Variants in PTPRD observed in about 807,000 individuals in gnomAD.
The protein encoded by PTPRD is receptor-type tyrosine-protein phosphatase delta.
PTPRD carries 34 observed loss-of-function variants against 214.5 expected under a neutral mutation model. That is an observed-to-expected ratio of 0.16 (90% CI 0.12 to 0.21). The LOEUF is 0.21. PTPRD is among the 10% of genes least tolerant of loss of function. The pLI, the probability that PTPRD is intolerant of heterozygous loss-of-function variation, is 1.00. For synonymous variants in PTPRD, 1,128 were observed against 845.7 expected, an observed-to-expected ratio of 1.33 and a Z score of -5.79; for missense variants, 2,545 against 2,398.7, an observed-to-expected ratio of 1.06 and a Z score of -1.27.
intron 3 of PTPRD, among the ~76,000 whole-genome samples, chr9:10,071,743 C>A (rs2098022200): frequency 6.6e-6 from 1 of 151,508 alleles, no homozygotes; most frequent in South Asian, 2.1e-4. Context: ...GGTATAACAC[C>A]ATAAGAATGG....
intron 14 of PTPRD, among the ~76,000 whole-genome samples, chr9:8,531,130 G>C (rs996773229): frequency 4.6e-5 from 7 of 151,990 alleles, no homozygotes; most frequent in African/African-American, 1.7e-4. Context: ...TTGTTTTTGT[G>C]AATGTTTACA....
At chr9:9,508,132 C>T (rs777863299) in intron 8 of PTPRD, among the ~76,000 whole-genome samples, 2 of 151,502 alleles carry the variant, frequency 1.3e-5, no homozygotes, top group Non-Finnish European at 3.0e-5. Flanking sequence ...TGGTCTCTTG[C>T]TCTTCTTCAG....
chr9:9,609,722 C>T (rs1490469821), intron 7 of PTPRD, among the ~76,000 whole-genome samples: 1 of 152,176 alleles, frequency 6.6e-6, no homozygotes, highest in Non-Finnish European at 1.5e-5. Context: ...CTTGTCCTCC[C>T]AAAGCGCTGG....
At chr9:10,571,127 GT>G (rs949362753) in intron 2 of PTPRD, among the ~76,000 whole-genome samples, 14 of 151,782 alleles carry the variant, frequency 9.2e-5, no homozygotes, top group African/African-American at 1.7e-4. Context: ...AGCATATTTT[GT>G]TTTTTTAAGA....
intron 11 of PTPRD, among the ~76,000 whole-genome samples, chr9:8,805,311 T>A (rs4469518): frequency 0.053 from 8,134 of 152,238 alleles, 315 homozygotes; most frequent in Non-Finnish European, 0.079. Context: ...GAATTCATTT[T>A]CCCCATTTGA....
intron 10 of PTPRD, among the ~76,000 whole-genome samples, chr9:9,067,730 G>A (rs992236126): frequency 5.9e-5 from 9 of 151,900 alleles, no homozygotes; most frequent in Non-Finnish European, 1.3e-4. Flanking sequence ...TTCTCTCAGT[G>A]GTAACATCTT....
At chr9:10,505,318 T>C (rs1296428122) in intron 2 of PTPRD, among the ~76,000 whole-genome samples, 3 of 152,172 alleles carry the variant, frequency 2.0e-5, no homozygotes, top group Non-Finnish European at 2.9e-5. Flanking sequence ...TAGGTCTCAT[T>C]ATATATGATA....
intron 12 of PTPRD, among the ~76,000 whole-genome samples, chr9:8,709,339 CCTGT>C (rs2154402677): frequency 6.6e-6 from 1 of 151,526 alleles, no homozygotes; most frequent in East Asian, 1.9e-4. Context: ...ACAGTGAAAC[CCTGT>C]CTCTACTAAA....
At position 9,966,383 on chromosome 9, in the gene PTPRD, T is replaced by C. The variant is rs545838558; in HGVS notation, c.-471-27773A>G. ...TGACACATCATATGTTCTTTCAAAG[T>C]AAATTTTACTAAAACTGTTTCTAAG... On this transcript the variant is annotated intron_variant, in intron 4 of 45. Transcript: ENST00000381196. Among the ~76,000 whole-genome samples the C allele has an allele frequency of 2.0e-5, 3 of 152,276 alleles. No individual in the cohort carries two copies. The South Asian group carries it at 6.2e-4, about 32-fold the overall frequency.
At chr9:8,454,884 T>G (rs895893276) in intron 33 of PTPRD, among the ~76,000 whole-genome samples, 4 of 151,678 alleles carry the variant, frequency 2.6e-5, no homozygotes, top group Admixed American at 6.6e-5. Flanking sequence ...ACCTATAAAA[T>G]ACTGCCACAA....
In PTPRD at chr9:9,045,349, A is replaced by G. The variant is rs191570711; in HGVS notation, c.-142-26614T>C. 5.9e-4 allele frequency among the ~76,000 whole-genome samples: 90 copies of G among 151,946 alleles called. No individual in the cohort carries two copies. The East Asian group carries it at 0.014, about 24-fold the overall frequency. ...CTCTTTAGCACTTCTCAGTTATCAC[A>G]GTGCTTGAGTGTTGGCCATTACTGA... is the stretch of plus-strand genomic sequence containing the variant. On this transcript the variant is annotated intron_variant, in intron 10 of 45. Transcript: ENST00000381196.
At position 8,340,294 on chromosome 9, in the gene PTPRD, C is replaced by T. The variant is rs761304909; in HGVS notation, c.5253+49G>A. ...TTATTGAAACAAAGTCTTCATTTCTCCACAGAGTAAATGTCTTATGAGGAG... is the reference window on the plus strand; with the variant it reads ...TTATTGAAACAAAGTCTTCATTTCTTCACAGAGTAAATGTCTTATGAGGAG... On this transcript the variant is annotated intron_variant, in intron 42 of 45. Transcript: ENST00000381196. 4 of 1,512,294 alleles carry T rather than the reference C, an allele frequency of 2.6e-6. No individual in the cohort carries two copies. The South Asian group carries it at 4.0e-5, about 15-fold the overall frequency. The allele number at this position is 1,512,294 out of a possible 1,614,324, so 93.7% of individuals were successfully genotyped here. A position where few individuals can be genotyped will look rare whatever the true frequency, so the allele number is the denominator to read the frequency against.
Position 8,486,301 on chromosome 9 carries a change from G to C in PTPRD, c.2516C>G (p.Ala839Gly), listed in dbSNP as rs200535332. Residue 839 changes from alanine to glycine, a missense_variant, in exon 28 of 46, where the codon GCT (alanine) becomes GGT (glycine). Coordinates refer to ENST00000381196, the MANE Select transcript of PTPRD (RefSeq NM_002839.4). ...LVINHTQMNT[A>G]LIQWHPPVDT... ...CACCGGAGGGTGCCACTGAATAAGA[G>C]CAGTATTCATCTGAGTGTGGTTAAT... The C allele has an allele frequency of 1.9e-6, 3 of 1,614,042 alleles. No homozygotes were observed. The highest frequency in any genetic ancestry group is 1.3e-5 in the African/African-American group (1 of 74,922).
At chr9:9,634,350 T>C (rs1383338659) in intron 7 of PTPRD, among the ~76,000 whole-genome samples, 2 of 152,156 alleles carry the variant, frequency 1.3e-5, no homozygotes, top group African/African-American at 4.8e-5. Context: ...AGAAATGATA[T>C]GGGGAAGAAG....
rs559835480 is a variant in PTPRD, at chr9:9,031,801, A to T, written c.-142-13066T>A. Among the ~76,000 whole-genome samples, 27 of 152,116 alleles carry T rather than the reference A, an allele frequency of 1.8e-4. 1 individual carries two copies. The South Asian group carries it at 5.2e-3, about 29-fold the overall frequency. ...ATTAGGAGTTAGGTGAAAGAACAAA[A>T]AATGCCTCATAGGATAAATGGGACA... is the stretch of plus-strand genomic sequence containing the variant. On this transcript the variant is annotated intron_variant, in intron 10 of 45. Coordinates refer to ENST00000381196, the MANE Select transcript of PTPRD (RefSeq NM_002839.4).
At chr9:9,431,584 A>C (rs201427159) in intron 8 of PTPRD, among the ~76,000 whole-genome samples, 1 of 152,102 alleles carries the variant, frequency 6.6e-6, no homozygotes, top group Non-Finnish European at 1.5e-5. Flanking sequence ...AAATCATGCT[A>C]CTATAAAGAC....
intron 10 of PTPRD, among the ~76,000 whole-genome samples, chr9:9,130,686 C>T (rs188921506): frequency 6.6e-6 from 1 of 152,042 alleles, no homozygotes; most frequent in African/African-American, 2.4e-5. Flanking sequence ...TATTTGGTTC[C>T]TACTGACCTT....
In PTPRD at chr9:8,465,530, T is replaced by C. The variant is rs375972549; in HGVS notation, c.3650A>G (p.Lys1217Arg). The part of the protein sequence containing the change: ...DDKHYGGFTN[K>R]QLQSGQEYVF... ...ATATTCTTGACCACTTTGGAGTTGC[T>C]TGTTTGTAAATCCACCATAATGCTT... is the stretch of plus-strand genomic sequence containing the variant. The change falls in exon 32 of 46, where the codon AAG becomes AGG. Residue 1217 changes from lysine to arginine, a missense_variant. Lys to Arg is a conservative substitution (Grantham distance 26, BLOSUM62 2). Coordinates refer to ENST00000381196, the MANE Select transcript of PTPRD (RefSeq NM_002839.4). The C allele has an allele frequency of 7.4e-6, 12 of 1,612,574 alleles. No individual in the cohort carries two copies. In the African/African-American group the frequency reaches 8.0e-5, roughly 11 times the overall value.
intron 34 of PTPRD, 39 bp downstream of exon 34, chr9:8,449,686 G>C (rs776935650): frequency 6.3e-7 from 1 of 1,579,846 alleles, no homozygotes; most frequent in East Asian, 2.2e-5. Flanking sequence ...CAACTTCTGG[G>C]AAAGACTGTG....
Sources: gnomAD v4.1 joint callset for allele counts (sites outside exome capture counted in the v4.1 genomes callset) on GRCh38, gnomAD v4.1.1 for gene constraint, MANE v1.5 for transcripts, NCBI Gene and HGNC (gene_info 2026-07-23, HGNC 2026-07-21) for gene names.